NALF1: variants seen among roughly 807,000 people sequenced by gnomAD.
The protein encoded by NALF1 is NALCN channel auxiliary factor 1.
A neutral mutation model predicts 48.4 loss-of-function variants in NALF1; 3 were observed. That is an observed-to-expected ratio of 0.06 (90% CI 0.03 to 0.16). The LOEUF (loss-of-function observed/expected upper bound fraction) is 0.16, where lower values mean the gene tolerates loss of function less well. Among genes scored for constraint, NALF1 ranks in the 10% least tolerant of loss-of-function variants. The pLI, the probability that NALF1 is intolerant of heterozygous loss-of-function variation, is 1.00. For missense variants in NALF1, 526 were observed against 571.5 expected (o/e 0.92, Z 0.81); for synonymous variants, 262 against 245.7 (o/e 1.07, Z -0.62).
intron 1 of NALF1, among the ~76,000 whole-genome samples, chr13:107,760,470 C>G (rs1877232910): frequency 2.6e-5 from 4 of 152,126 alleles, no homozygotes; most frequent in Admixed American, 2.6e-4. Flanking sequence ...CCCTTCCACT[C>G]TCAAAAAGGT....
At chr13:107,662,881 C>T (rs1233083767) in intron 1 of NALF1, among the ~76,000 whole-genome samples, 2 of 151,914 alleles carry the variant, frequency 1.3e-5, no homozygotes, top group South Asian at 2.1e-4. Context: ...GCTTTTTTGG[C>T]TAAGTATGTT....
chr13:107,642,893 G>A (rs1425340995), intron 1 of NALF1, among the ~76,000 whole-genome samples: 2 of 152,024 alleles, frequency 1.3e-5, no homozygotes, highest in African/African-American at 4.8e-5. Context: ...CTCTTAAATT[G>A]GCTGTTTCAG....
intron 2 of NALF1, among the ~76,000 whole-genome samples, chr13:107,202,044 C>T (rs1010798382): frequency 2.0e-5 from 3 of 152,074 alleles, no homozygotes; most frequent in African/African-American, 2.4e-5. Context: ...ACATAATAAC[C>T]GGAGAACCAT....
Position 107,866,405 on chromosome 13 carries a change from C to T in NALF1, c.192G>A (p.Leu64=). Residue 64 remains leucine, a synonymous_variant, in exon 1 of 3, where the codon CTG becomes CTA. Coordinates refer to ENST00000375915, the MANE Select transcript of NALF1 (RefSeq NM_001080396.3). The surrounding 1 kb of genome is among the most constrained non-coding windows in gnomAD (Gnocchi z 4.4). ...GGTGCTCCTTGTCCCGGGCCCGGGT[C>T]AGCTTGGCCTCGGCGCAGAACCACA... is the stretch of plus-strand genomic sequence containing the variant. ...DHLWFCAEAK[L]TRARDKEHQQ... 6.2e-7 allele frequency: 1 copy of T among 1,614,010 alleles called. No individual in the cohort carries two copies. Among genetic ancestry groups the T allele is most frequent in the African/African-American group, 1.3e-5 (1 of 75,074 alleles).
chr13:107,414,816 A>T (rs551313222), intron 1 of NALF1, among the ~76,000 whole-genome samples: 34 of 150,570 alleles, frequency 2.3e-4, no homozygotes, highest in African/African-American at 7.8e-4. Flanking sequence ...GGAGTGAGTG[A>T]GTGTGTGTGT....
At chr13:107,778,621 ATTTGTTTG>A (rs71759087) in intron 1 of NALF1, among the ~76,000 whole-genome samples, 1 of 150,350 alleles carries the variant, frequency 6.7e-6, no homozygotes, top group African/African-American at 2.5e-5. Flanking sequence ...TTGTTTTTGT[ATTTGTTTG>A]TTTGAGTAAA....
At chr13:107,360,288 C>A (rs1168708881) in intron 1 of NALF1, among the ~76,000 whole-genome samples, 1 of 152,126 alleles carries the variant, frequency 6.6e-6, no homozygotes, top group Non-Finnish European at 1.5e-5. Context: ...AATTGCAGCA[C>A]AATTTCCACT....
rs756877201 is a variant in NALF1 at position 107,866,584 on chromosome 13, C to G, written c.13G>C (p.Ala5Pro). 1.9e-6 allele frequency: 3 copies of G among 1,605,392 alleles called. No homozygotes were observed. The highest frequency in any genetic ancestry group is 2.5e-6 in the Non-Finnish European group (3 of 1,178,308). Residue 5 changes from alanine (A) to proline (P), a missense_variant, in exon 1 of 3, where the codon GCT becomes CCT. By Grantham distance (27) the Ala-to-Pro change is conservative. This residue lies in a region of NALF1 where 373 missense variants were observed against 355.5 expected (regional missense o/e 1.05). Coordinates refer to ENST00000375915, the MANE Select transcript of NALF1 (RefSeq NM_001080396.3). This position sits in a 1 kb window ranked among gnomAD's most constrained non-coding sequence, Gnocchi z 4.4. ...TCGTCATACTGCCGACACATCCAAGCACCCCTGGTCATATTTTGGGAACGC... is the reference window on the plus strand; with the variant it reads ...TCGTCATACTGCCGACACATCCAAGGACCCCTGGTCATATTTTGGGAACGC... MTRG[A>P]WMCRQYDDGL... is the part of the protein sequence containing the mutation.
intron 1 of NALF1, among the ~76,000 whole-genome samples, chr13:107,802,514 A>ATTGTATG (rs1878650758): frequency 6.6e-6 from 1 of 152,088 alleles, no homozygotes; most frequent in African/African-American, 2.4e-5. Context: ...TAGAAAAATT[A>ATTGTATG]TTGTATGCTT....
intron 1 of NALF1, among the ~76,000 whole-genome samples, chr13:107,645,563 A>C (rs1263788278): frequency 3.3e-5 from 5 of 151,568 alleles, no homozygotes; most frequent in Non-Finnish European, 7.4e-5. Flanking sequence ...TACAATTTTT[A>C]TCTCTTTTCT....
At chr13:107,740,062 A>G (rs1489014817) in intron 1 of NALF1, among the ~76,000 whole-genome samples, 1 of 152,174 alleles carries the variant, frequency 6.6e-6, no homozygotes, top group African/African-American at 2.4e-5. Flanking sequence ...AGTGTAATCC[A>G]CTTGAATCAT....
chr13:107,499,947 T>C (rs1875462891), intron 1 of NALF1, among the ~76,000 whole-genome samples: 1 of 152,202 alleles, frequency 6.6e-6, no homozygotes, highest in Non-Finnish European at 1.5e-5. Flanking sequence ...TTAAAACTCA[T>C]TCTAATATTC....
intron 1 of NALF1, among the ~76,000 whole-genome samples, chr13:107,224,007 T>C (rs1880048143): frequency 1.3e-5 from 2 of 152,156 alleles, no homozygotes; most frequent in South Asian, 4.1e-4. Flanking sequence ...CATAACATTA[T>C]TGTTTAATTG....
intron 1 of NALF1, among the ~76,000 whole-genome samples, chr13:107,657,823 C>A (rs901696089): frequency 6.6e-6 from 1 of 152,174 alleles, no homozygotes; most frequent in Non-Finnish European, 1.5e-5. Context: ...AGATTGCTCA[C>A]CCATTTACAT....
chr13:107,355,086 G>T (rs1350715345), intron 1 of NALF1, among the ~76,000 whole-genome samples: 1 of 152,204 alleles, frequency 6.6e-6, no homozygotes, highest in Non-Finnish European at 1.5e-5. Flanking sequence ...TTTGTTCTCA[G>T]TGATCTTTGC....
intron 1 of NALF1, among the ~76,000 whole-genome samples, chr13:107,749,709 A>C (rs1876879156): frequency 6.6e-6 from 1 of 152,162 alleles, no homozygotes. Context: ...CAGACACTAA[A>C]GTTTCAAGGT....
intron 1 of NALF1, among the ~76,000 whole-genome samples, chr13:107,559,045 A>G (rs1877564186): frequency 6.6e-6 from 1 of 152,184 alleles, no homozygotes; most frequent in East Asian, 1.9e-4. Flanking sequence ...CTCCGCCTCC[A>G]TGATGGCAGG....
intron 1 of NALF1, among the ~76,000 whole-genome samples, chr13:107,600,390 C>A (rs9555381): frequency 1.3e-5 from 2 of 152,034 alleles, no homozygotes; most frequent in African/African-American, 2.4e-5. Flanking sequence ...CAAGGAAAGA[C>A]GCCAATTGTA....
intron 1 of NALF1, among the ~76,000 whole-genome samples, chr13:107,760,233 T>C (rs1877227026): frequency 6.6e-6 from 1 of 152,198 alleles, no homozygotes; most frequent in African/African-American, 2.4e-5. Context: ...CATGTATACA[T>C]GCATACAGCA....
Sources: allele counts gnomAD v4.1 joint callset (sites outside exome capture counted in the v4.1 genomes callset), GRCh38; gene constraint gnomAD v4.1.1; regional missense constraint gnomAD v4.1.1; non-coding constraint Gnocchi (gnomAD v3.1); transcripts MANE v1.5; gene names NCBI Gene and HGNC (gene_info 2026-07-23, HGNC 2026-07-21).